The following PLPPR5 variants were observed in gnomAD, a reference collection of about 807,000 sequenced individuals.
The protein encoded by PLPPR5 is phospholipid phosphatase-related protein type 5.
PLPPR5 carries 16 observed loss-of-function variants against 33.9 expected under a neutral mutation model. The observed-to-expected ratio is 0.47, with a 90% CI of 0.32 to 0.72. PLPPR5 has a LOEUF of 0.72. Ranked by LOEUF, PLPPR5 falls within the 30% of genes least tolerant of loss-of-function variation. The pLI, the probability that PLPPR5 is intolerant of heterozygous loss-of-function variation, is 0.03. For synonymous variants in PLPPR5, 163 were observed against 150.3 expected, an observed-to-expected ratio of 1.08 and a Z score of -0.62; for missense variants, 301 against 406.7, an observed-to-expected ratio of 0.74 and a Z score of 2.23.
At chr1:98,930,737 T>A (rs1005673450) in intron 3 of PLPPR5, among the ~76,000 whole-genome samples, 8 of 152,078 alleles carry the variant, frequency 5.3e-5, no homozygotes, top group Non-Finnish European at 8.8e-5. Context: ...CATTAGTGAG[T>A]AAGTAAAGGG....
At chr1:98,910,028 C>T (rs1027272929) in intron 5 of PLPPR5, among the ~76,000 whole-genome samples, 8 of 152,112 alleles carry the variant, frequency 5.3e-5, no homozygotes, top group East Asian at 1.9e-4. Flanking sequence ...ATAAAAATAA[C>T]GAATACTTGT....
At chr1:98,928,803 C>A (rs1280316464) in intron 3 of PLPPR5, among the ~76,000 whole-genome samples, 1 of 151,564 alleles carries the variant, frequency 6.6e-6, no homozygotes, top group Admixed American at 6.6e-5. Flanking sequence ...ATATTTTTAT[C>A]TACATTTATT....
At chr1:98,978,127 T>A (rs1651926495) in intron 1 of PLPPR5, among the ~76,000 whole-genome samples, 1 of 151,980 alleles carries the variant, frequency 6.6e-6, no homozygotes, top group Admixed American at 6.6e-5. Flanking sequence ...ATGATTACAT[T>A]TGACAATGAA....
chr1:98,960,574 C>A (rs1651208968), intron 1 of PLPPR5, among the ~76,000 whole-genome samples: 1 of 151,988 alleles, frequency 6.6e-6, no homozygotes, highest in Non-Finnish European at 1.5e-5. Context: ...ATGTAAATGC[C>A]TTCTGAGTTA....
At chr1:98,990,951 G>A (rs1652429264) in intron 1 of PLPPR5, 2 of 152,096 alleles carry the variant, frequency 1.3e-5, no homozygotes, top group Non-Finnish European at 2.9e-5. Context: ...AGGATGTGGT[G>A]AGCAAGAAGC....
chr1:98,897,588 A>G (rs1412206243), intron 5 of PLPPR5, among the ~76,000 whole-genome samples: 1 of 152,154 alleles, frequency 6.6e-6, no homozygotes, highest in Admixed American at 6.6e-5. Context: ...GCTATCAACA[A>G]TCAGCATAGG....
intron 1 of PLPPR5, among the ~76,000 whole-genome samples, chr1:98,982,967 C>T (rs72732408): frequency 0.091 from 13,866 of 152,054 alleles, 736 homozygotes; most frequent in Non-Finnish European, 0.11. Context: ...GTTTGTGCTG[C>T]GAGAGAGCGC....
chr1:98,914,712 C>T (rs1177710066), intron 5 of PLPPR5, 74 bp downstream of exon 5: 2 of 1,330,182 alleles, frequency 1.5e-6, no homozygotes, highest in Non-Finnish European at 2.1e-6. Flanking sequence ...TGTGGACATG[C>T]TCCAGATATA....
At chr1:98,948,655 A>G (rs1295978864) in intron 3 of PLPPR5, among the ~76,000 whole-genome samples, 3 of 152,140 alleles carry the variant, frequency 2.0e-5, no homozygotes, top group East Asian at 1.9e-4. Context: ...TCATTACCCT[A>G]TTGGAAGGCG....
intron 1 of PLPPR5, among the ~76,000 whole-genome samples, chr1:98,977,194 T>C (rs1157165945): frequency 6.6e-6 from 1 of 152,064 alleles, no homozygotes; most frequent in African/African-American, 2.4e-5. Flanking sequence ...CATACATTTG[T>C]GGATGGATTA....
chr1:98,906,885 A>G (rs1348366108), intron 5 of PLPPR5, among the ~76,000 whole-genome samples: 1 of 152,200 alleles, frequency 6.6e-6, no homozygotes, highest in Non-Finnish European at 1.5e-5. Flanking sequence ...TCTTCTTCAG[A>G]TACAATGATT....
At chr1:98,918,341 C>A (rs1649432813) in intron 4 of PLPPR5, among the ~76,000 whole-genome samples, 1 of 152,240 alleles carries the variant, frequency 6.6e-6, no homozygotes, top group Middle Eastern at 3.4e-3. Context: ...GGGTTAATTG[C>A]ATTAATGTAG....
At chr1:98,944,937 A>G (rs1184955462) in intron 3 of PLPPR5, among the ~76,000 whole-genome samples, 4 of 152,200 alleles carry the variant, frequency 2.6e-5, no homozygotes, top group East Asian at 1.9e-4. Flanking sequence ...TCGTTTGAAA[A>G]GCAGACTCGA....
Position 98,959,872 on chromosome 1 carries a change from T to C in PLPPR5, c.238-3131A>G, listed in dbSNP as rs577496405. 6.6e-5 allele frequency among the ~76,000 whole-genome samples: 10 copies of C among 152,170 alleles called. No homozygotes were observed. In the East Asian group the frequency reaches 1.9e-3, roughly 29 times the overall value. On this transcript the variant is annotated intron_variant, in intron 1 of 5. Transcript: ENST00000263177. ...GAGAAGGTAGTTTTCAAACAGAGAGTTGCTGTCATTAGACGCCGATGTCAA... is the reference window on the plus strand; with the variant it reads ...GAGAAGGTAGTTTTCAAACAGAGAGCTGCTGTCATTAGACGCCGATGTCAA...
intron 3 of PLPPR5, among the ~76,000 whole-genome samples, chr1:98,942,833 A>G (rs1650425332): frequency 6.6e-6 from 1 of 152,178 alleles, no homozygotes; most frequent in South Asian, 2.1e-4. Flanking sequence ...ATCAGAGTGT[A>G]CTGGTGAGAG....
chr1:98,916,570 T>C (rs1333695469), intron 4 of PLPPR5, among the ~76,000 whole-genome samples: 1 of 152,188 alleles, frequency 6.6e-6, no homozygotes, highest in Non-Finnish European at 1.5e-5. Flanking sequence ...GGTGCAAAAA[T>C]AGCCACGGAC....
intron 3 of PLPPR5, among the ~76,000 whole-genome samples, chr1:98,933,829 C>CA (rs1650076437): frequency 6.6e-6 from 1 of 152,132 alleles, no homozygotes; most frequent in African/African-American, 2.4e-5. Flanking sequence ...CACCACGGGG[C>CA]ATGAAGTCAG....
intron 3 of PLPPR5, among the ~76,000 whole-genome samples, chr1:98,934,173 G>A (rs771020980): frequency 1.3e-5 from 2 of 152,130 alleles, no homozygotes; most frequent in African/African-American, 4.8e-5. Flanking sequence ...TATTTCACAG[G>A]CTTTTTCTCC....
chr1:98,925,583 C>T (rs1310714610), intron 3 of PLPPR5, among the ~76,000 whole-genome samples: 3 of 152,120 alleles, frequency 2.0e-5, no homozygotes, highest in Non-Finnish European at 4.4e-5. Flanking sequence ...TCCTATTAGT[C>T]TGTAATATGC....
Sources: gnomAD v4.1 joint callset for allele counts (sites outside exome capture counted in the v4.1 genomes callset) on GRCh38, gnomAD v4.1.1 for gene constraint, MANE v1.5 for transcripts, NCBI Gene and HGNC (gene_info 2026-07-23, HGNC 2026-07-21) for gene names.